ZBTB18: variants seen among roughly 807,000 people sequenced by gnomAD.
The protein encoded by ZBTB18 is zinc finger and BTB domain containing 18.
Under a neutral mutation model 37.7 loss-of-function variants are expected in ZBTB18, and 2 were observed. The ratio of observed to expected loss-of-function variants is 0.05; its 90% CI spans 0.02 to 0.17. The LOEUF is 0.17. Ranked by LOEUF, ZBTB18 falls within the 10% of genes least tolerant of loss-of-function variation. The pLI, the probability that ZBTB18 is intolerant of heterozygous loss-of-function variation, is 1.00. For synonymous variants in ZBTB18, 304 were observed against 276.5 expected, an observed-to-expected ratio of 1.10 and a Z score of -0.99; for missense variants, 408 against 686.3, an observed-to-expected ratio of 0.59 and a Z score of 4.53.
At chr1:244,050,244 C>G (rs1366841933), upstream of ZBTB18, among the ~76,000 whole-genome samples, 4 of 152,172 alleles carry the variant, frequency 2.6e-5, no homozygotes, top group Non-Finnish European at 5.9e-5. Context: ...TCCCAAGAGT[C>G]TGAGGAGATG....
intron 1 of ZBTB18, among the ~76,000 whole-genome samples, chr1:244,051,907 G>C (rs564490837): frequency 1.3e-5 from 2 of 152,176 alleles, no homozygotes; most frequent in African/African-American, 4.8e-5. Flanking sequence ...CAGCACTACT[G>C]AAACATACAG....
upstream of ZBTB18, among the ~76,000 whole-genome samples, chr1:244,048,616 T>A (rs987635729): frequency 5.7e-5 from 2 of 35,006 alleles, no homozygotes; most frequent in East Asian, 6.4e-4. Context: ...CCCCTCCCCC[T>A]CCCCCGCGCC....
At chr1:244,050,693 G>A (rs955386819), upstream of ZBTB18, among the ~76,000 whole-genome samples, 34 of 152,096 alleles carry the variant, frequency 2.2e-4, no homozygotes, top group African/African-American at 8.0e-4. Flanking sequence ...TTTCTGAGAA[G>A]GTAGTTGTAG....
At chr1:244,050,633 G>C (rs564218653), upstream of ZBTB18, among the ~76,000 whole-genome samples, 2 of 152,284 alleles carry the variant, frequency 1.3e-5, no homozygotes, top group East Asian at 1.9e-4. Flanking sequence ...GTTTCAGCTT[G>C]TTGGTACCGA....
Position 244,051,301 on chromosome 1 carries a change from G to A in ZBTB18, c.-131G>A. 1 of 940,120 alleles carries A rather than the reference G, an allele frequency of 1.1e-6. No homozygotes were observed. The highest frequency in any genetic ancestry group is 1.5e-5 in the South Asian group (1 of 66,282). The allele number at this position is 940,120 out of a possible 1,614,324, so 58.2% of individuals were successfully genotyped here. On this transcript the variant is annotated 5_prime_UTR_variant, in exon 1 of 2. It adds an upstream start codon to the 5' untranslated region. Coordinates refer to ENST00000358704, the MANE Select transcript of ZBTB18 (RefSeq NM_205768.3). ...GGGAGTTAGTGTGTGCGGATCTGTG[G>A]TGGAGAAGGTATCTCATTCCTCTCT...
At position 244,055,364 on chromosome 1, in the gene ZBTB18, GAAATAATTTTATATATATAT is replaced by G; in HGVS notation, c.*2_*21del. On this transcript the variant is annotated stop_retained_variant and 3_prime_UTR_variant, in exon 2 of 2. Coordinates refer to ENST00000358704, the MANE Select transcript of ZBTB18 (RefSeq NM_205768.3). The surrounding 1 kb of genome is among the most constrained non-coding windows in gnomAD (Gnocchi z 7.0). ...TAGAAGATAGCTCTCAAGAACTTTG[GAAATAATTTTATATATATAT>G]AAATAATATATATATATATACATAT... is the stretch of plus-strand genomic sequence containing the variant. 7.6e-7 allele frequency: 1 copy of G among 1,317,312 alleles called. No individual in the cohort carries two copies. The highest frequency in any genetic ancestry group is 1.0e-6 in the Non-Finnish European group (1 of 985,696). 81.6% of individuals were successfully genotyped at this position (1,317,312 alleles called of 1,614,324 possible).
rs1698420168 is a variant in ZBTB18, at chr1:244,054,706, G to A, written c.932G>A (p.Ser311Asn). ...MEHSTVKESVSTNNRVQYEPA... is the reference protein window; with the variant it reads ...MEHSTVKESVNTNNRVQYEPA... ...CATAGCACTGTGAAAGAAAGTGTGA[G>A]CACTAATAACAGGGTACAGTATGAG... Residue 311 changes from serine (S) to asparagine (N), a missense_variant, in exon 2 of 2, where the codon AGC becomes AAC. This residue lies in a region of ZBTB18 where 266 missense variants were observed against 312.0 expected (regional missense o/e 0.85). Transcript: ENST00000358704. The surrounding 1 kb of genome is among the most constrained non-coding windows in gnomAD (Gnocchi z 9.0). 2.5e-6 allele frequency: 4 copies of A among 1,614,168 alleles called. No homozygotes were observed. The highest frequency in any genetic ancestry group is 3.4e-6 in the Non-Finnish European group (4 of 1,180,034).
chr1:244,049,036 C>T (rs1284639265), upstream of ZBTB18: 1 of 147,170 alleles, frequency 6.8e-6, no homozygotes, highest in African/African-American at 2.5e-5. Context: ...CTGGCGCCCC[C>T]TCCGCGCCCC....
rs1292687827 is a variant in ZBTB18 at position 244,057,104 on chromosome 1, A to G, written c.*1734A>G. ...GTAATGGCATTTAAAGCAAACAAAC[A>G]AACAAAAAAAGCTGTGAAAATGGCC... On this transcript the variant is annotated 3_prime_UTR_variant, in exon 2 of 2. Coordinates refer to ENST00000358704, the MANE Select transcript of ZBTB18 (RefSeq NM_205768.3). 1 of 167,114 alleles carries G rather than the reference A, an allele frequency of 6.0e-6. No homozygotes were observed. Among genetic ancestry groups the G allele is most frequent in the African/African-American group, 2.4e-5 (1 of 41,458 alleles). 10.4% of individuals were successfully genotyped at this position (167,114 alleles called of 1,614,324 possible). A position where few individuals can be genotyped will look rare whatever the true frequency, so the allele number is the denominator to read the frequency against.
upstream of ZBTB18, among the ~76,000 whole-genome samples, chr1:244,051,042 A>G (rs1698339158): frequency 6.6e-6 from 1 of 152,200 alleles, no homozygotes; most frequent in South Asian, 2.1e-4. Context: ...CCATATGCTG[A>G]GTTTTTCAAT....
chr1:244,048,616 T>G (rs987635729), upstream of ZBTB18, among the ~76,000 whole-genome samples: 132 of 34,990 alleles, frequency 3.8e-3, no homozygotes, highest in South Asian at 8.2e-3. Flanking sequence ...CCCCTCCCCC[T>G]CCCCCGCGCC....
chr1:244,051,348 C>T lies in ZBTB18; in HGVS notation c.-84C>T, dbSNP rs1698345026. Reference sequence around the variant, plus strand: ...CTCTAACATCATCTCCACTTTGCATCTGTCTCTCTTAGTCTGCTTTTTTTC... The same window carrying T: ...CTCTAACATCATCTCCACTTTGCATTTGTCTCTCTTAGTCTGCTTTTTTTC... On this transcript the variant is annotated 5_prime_UTR_variant, in exon 1 of 2. Transcript: ENST00000358704. The T allele has an allele frequency of 6.7e-7, 1 of 1,490,764 alleles. No individual in the cohort carries two copies. The highest frequency in any genetic ancestry group is 1.4e-5 in the African/African-American group (1 of 71,786). 92.3% of individuals were successfully genotyped at this position (1,490,764 alleles called of 1,614,324 possible). A position where few individuals can be genotyped will look rare whatever the true frequency, so the allele number is the denominator to read the frequency against.
upstream of ZBTB18, among the ~76,000 whole-genome samples, chr1:244,049,312 C>A (rs1266634392): frequency 6.8e-6 from 1 of 147,146 alleles, no homozygotes; most frequent in Non-Finnish European, 1.5e-5. Context: ...GGGCGGGCTC[C>A]CGGCCGGTGC....
chr1:244,053,738 T>A lies in ZBTB18; in HGVS notation c.14-50T>A. 1 of 1,556,244 alleles carries A rather than the reference T, an allele frequency of 6.4e-7. No homozygotes were observed. Among genetic ancestry groups the A allele is most frequent in the Non-Finnish European group, 8.7e-7 (1 of 1,153,448 alleles). Reference sequence around the variant, plus strand: ...TTTTTTTATATGGGGACTGGAGCGCTGAAAAGTTGTTCCTGACCAGGCTCT... The same window carrying A: ...TTTTTTTATATGGGGACTGGAGCGCAGAAAAGTTGTTCCTGACCAGGCTCT... On this transcript the variant is annotated intron_variant, in intron 1 of 1. Transcript: ENST00000358704. This position sits in a 1 kb window ranked among gnomAD's most constrained non-coding sequence, Gnocchi z 5.2.
rs1698344514 is a variant in ZBTB18, at chr1:244,051,327, A to G, written c.-105A>G. On this transcript the variant is annotated 5_prime_UTR_variant, in exon 1 of 2. Coordinates refer to ENST00000358704, the MANE Select transcript of ZBTB18 (RefSeq NM_205768.3). ...TGGAGAAGGTATCTCATTCCTCTCTAACATCATCTCCACTTTGCATCTGTC... is the reference window on the plus strand; with the variant it reads ...TGGAGAAGGTATCTCATTCCTCTCTGACATCATCTCCACTTTGCATCTGTC... 2.4e-6 allele frequency: 3 copies of G among 1,261,124 alleles called. No homozygotes were observed. Among genetic ancestry groups the G allele is most frequent in the Non-Finnish European group, 3.4e-6 (3 of 871,002 alleles). The allele number at this position is 1,261,124 out of a possible 1,614,324, so 78.1% of individuals were successfully genotyped here.
chr1:244,056,309 GTTTTTA>G lies in ZBTB18; in HGVS notation c.*950_*955del, dbSNP rs1365484942. 1.8e-5 allele frequency: 3 copies of G among 166,970 alleles called. No homozygotes were observed. The highest frequency in any genetic ancestry group is 4.4e-5 in the Non-Finnish European group (3 of 68,100). 10.3% of individuals were successfully genotyped at this position (166,970 alleles called of 1,614,324 possible). A position where few individuals can be genotyped will look rare whatever the true frequency, so the allele number is the denominator to read the frequency against. ...GTGTTATGAAGAACGTAAATGCACT[GTTTTTA>G]TTTTTATTTTATATAATTTAAATTG... On this transcript the variant is annotated 3_prime_UTR_variant, in exon 2 of 2. Transcript: ENST00000358704.
chr1:244,049,143 GAGTT>G (rs1698297435), upstream of ZBTB18: 1 of 144,702 alleles, frequency 6.9e-6, no homozygotes, highest in Non-Finnish European at 1.5e-5. Context: ...CCCGCGAGTG[GAGTT>G]AGTTTGTGTG....
Position 244,053,655 on chromosome 1 carries a change from G to T in ZBTB18, c.14-133G>T. On this transcript the variant is annotated intron_variant, in intron 1 of 1. Transcript: ENST00000358704. This position sits in a 1 kb window ranked among gnomAD's most constrained non-coding sequence, Gnocchi z 5.2. ...TGTCCGTGTGATTTGGTGGTGCTTG[G>T]GTCATAAGCCTGATTAAAATTCAGG... The T allele has an allele frequency of 7.5e-7, 1 of 1,335,656 alleles. No individual in the cohort carries two copies. The highest frequency in any genetic ancestry group is 1.0e-6 in the Non-Finnish European group (1 of 996,636). 82.7% of individuals were successfully genotyped at this position (1,335,656 alleles called of 1,614,324 possible).
Position 244,053,250 on chromosome 1 carries a change from T to C in ZBTB18, c.14-538T>C, listed in dbSNP as rs564205556. Among the ~76,000 whole-genome samples the C allele has an allele frequency of 3.0e-4, 45 of 152,294 alleles. No homozygotes were observed. The East Asian group carries it at 4.8e-3, about 16-fold the overall frequency. ...CTAATTATGCAATTTCATTTTTTTT[T>C]CTTGATTCAGCCAAATGTGTGTGTG... is the stretch of plus-strand genomic sequence containing the variant. On this transcript the variant is annotated intron_variant, in intron 1 of 1. Transcript: ENST00000358704. This position sits in a 1 kb window ranked among gnomAD's most constrained non-coding sequence, Gnocchi z 5.2.
Sources: allele counts gnomAD v4.1 joint callset (sites outside exome capture counted in the v4.1 genomes callset), GRCh38; gene constraint gnomAD v4.1.1; regional missense constraint gnomAD v4.1.1; non-coding constraint Gnocchi (gnomAD v3.1); transcripts MANE v1.5; gene names NCBI Gene and HGNC (gene_info 2026-07-23, HGNC 2026-07-21).